Variants in FBXO11 observed in about 807,000 individuals in gnomAD.
FBXO11 encodes the protein F-box protein 11.
FBXO11 carries 13 observed loss-of-function variants against 117.0 expected under a neutral mutation model. The ratio of observed to expected loss-of-function variants is 0.11; its 90% CI spans 0.07 to 0.18. FBXO11 has a LOEUF of 0.18. Among genes scored for constraint, FBXO11 ranks in the 10% least tolerant of loss-of-function variants. The probability of loss-of-function intolerance (pLI) is 1.00; values close to 1 mark genes in which losing one functional copy is unlikely to be tolerated. For synonymous variants in FBXO11, 490 were observed against 380.5 expected (o/e 1.29, Z -3.35); for missense variants, 767 against 1,164.4 (o/e 0.66, Z 4.97).
chr2:47,823,823 G>A (rs1671550931), intron 11 of FBXO11, among the ~76,000 whole-genome samples: 1 of 151,760 alleles, frequency 6.6e-6, no homozygotes, highest in Non-Finnish European at 1.5e-5. Context: ...TAATGATCAT[G>A]GAAAGAAAAA....
intron 16 of FBXO11, among the ~76,000 whole-genome samples, chr2:47,815,806 C>T (rs1326467152): frequency 6.6e-6 from 1 of 152,212 alleles, no homozygotes; most frequent in African/African-American, 2.4e-5. Flanking sequence ...TGCCCCAGCT[C>T]TTGAGCATCA....
chr2:47,818,631 C>A (rs1316317584), intron 16 of FBXO11, 148 bp downstream of exon 16: 7 of 635,834 alleles, frequency 1.1e-5, no homozygotes, highest in Non-Finnish European at 1.9e-5. Flanking sequence ...TACATTCTGA[C>A]AATTTAAGTC....
chr2:47,877,649 A>G (rs934843680), intron 1 of FBXO11, among the ~76,000 whole-genome samples: 1 of 151,314 alleles, frequency 6.6e-6, no homozygotes, highest in Non-Finnish European at 1.5e-5. Flanking sequence ...TCCATCTCTC[A>G]CTCAAACCTC....
chr2:47,819,944 G>A (rs911388246), intron 14 of FBXO11, among the ~76,000 whole-genome samples: 3 of 152,070 alleles, frequency 2.0e-5, no homozygotes, highest in Non-Finnish European at 4.4e-5. Context: ...TCAAAATTTT[G>A]AAAGTTATTA....
chr2:47,899,687 G>C (rs528756492), intron 1 of FBXO11, among the ~76,000 whole-genome samples: 1 of 152,090 alleles, frequency 6.6e-6, no homozygotes, highest in Non-Finnish European at 1.5e-5. Flanking sequence ...TCACAGGGTA[G>C]CAACTACAAT....
chr2:47,862,966 A>G (rs939314921), intron 1 of FBXO11, among the ~76,000 whole-genome samples: 1 of 151,866 alleles, frequency 6.6e-6, no homozygotes, highest in Non-Finnish European at 1.5e-5. Context: ...AAGGCAGGAG[A>G]ATCGCTTGAA....
intron 1 of FBXO11, among the ~76,000 whole-genome samples, chr2:47,874,150 C>A (rs954797369): frequency 6.6e-5 from 10 of 152,186 alleles, no homozygotes; most frequent in African/African-American, 2.4e-4. Context: ...GGAGGCGGAG[C>A]TTGCTGTGAG....
chr2:47,870,439 T>A (rs1675539400), intron 1 of FBXO11, among the ~76,000 whole-genome samples: 1 of 152,172 alleles, frequency 6.6e-6, no homozygotes, highest in Non-Finnish European at 1.5e-5. Flanking sequence ...AAGGGAGGTC[T>A]TTAGGGTGGG....
chr2:47,904,753 T>C (rs1034143421), intron 1 of FBXO11, among the ~76,000 whole-genome samples: 5 of 151,980 alleles, frequency 3.3e-5, no homozygotes, highest in Admixed American at 1.3e-4. Flanking sequence ...GAAGGGTAAC[T>C]GCACTGCACA....
Position 47,871,230 on chromosome 2 carries a change from G to A in FBXO11, c.233-31461C>T, listed in dbSNP as rs527324052. Among the ~76,000 whole-genome samples the A allele has an allele frequency of 9.9e-5, 15 of 152,250 alleles. No individual in the cohort carries two copies. In the South Asian group the frequency reaches 2.7e-3, roughly 27 times the overall value. ...GCCACGTGCCCTATCACCAGAAGAC[G>A]CTTTATGAATCCACTCAAGCAGCCC... On this transcript the variant is annotated intron_variant, in intron 1 of 22. Transcript: ENST00000403359.
At chr2:47,879,303 G>A (rs938193999) in intron 1 of FBXO11, among the ~76,000 whole-genome samples, 1 of 152,174 alleles carries the variant, frequency 6.6e-6, no homozygotes, top group Non-Finnish European at 1.5e-5. Context: ...TCAACCTGCT[G>A]GGTAAATACA....
At chr2:47,859,649 AC>A (rs1200288427) in intron 1 of FBXO11, among the ~76,000 whole-genome samples, 1 of 152,214 alleles carries the variant, frequency 6.6e-6, no homozygotes, top group African/African-American at 2.4e-5. Context: ...AAGTGTTTTC[AC>A]AGTTACGCTT....
intron 11 of FBXO11, among the ~76,000 whole-genome samples, chr2:47,830,008 C>T (rs747905619): frequency 1.7e-4 from 26 of 152,176 alleles, no homozygotes; most frequent in African/African-American, 4.3e-4. Flanking sequence ...AACAAAACCA[C>T]GGAGACATGG....
At position 47,838,850 on chromosome 2, in the gene FBXO11, T is replaced by G. The variant is rs556822601; in HGVS notation, c.587+9A>C. On this transcript the variant is annotated intron_variant, in intron 4 of 22. Transcript: ENST00000403359. Reference sequence around the variant, plus strand: ...ATCTCAAGTTAATAAGGAATAGGTTTTTACTTACCACAAAATTGGATCATT... The same window carrying G: ...ATCTCAAGTTAATAAGGAATAGGTTGTTACTTACCACAAAATTGGATCATT... The G allele has an allele frequency of 4.3e-6, 7 of 1,611,870 alleles. No homozygotes were observed. In the East Asian group the frequency reaches 1.6e-4, roughly 36 times the overall value.
In FBXO11 at chr2:47,828,677, G is replaced by C. The variant is rs1349531172; in HGVS notation, c.1398+3672C>G. On this transcript the variant is annotated intron_variant, in intron 11 of 22. Transcript: ENST00000403359. ...ACAAGAAACTCTCCAGATTAAAAAA[G>C]AGAGAAAAATGCTATCTTCATAGAA... Among the ~76,000 whole-genome samples, 3 of 150,470 alleles carry C rather than the reference G, an allele frequency of 2.0e-5. No individual in the cohort carries two copies. In the East Asian group the frequency reaches 5.8e-4, roughly 29 times the overall value.
intron 1 of FBXO11, among the ~76,000 whole-genome samples, chr2:47,849,370 C>A (rs1399568190): frequency 6.6e-6 from 1 of 152,116 alleles, no homozygotes; most frequent in East Asian, 1.9e-4. Flanking sequence ...ATAATACTTC[C>A]ATTAATGTAT....
At position 47,847,981 on chromosome 2, in the gene FBXO11, G is replaced by A. The variant is rs559456640; in HGVS notation, c.233-8212C>T. Among the ~76,000 whole-genome samples, 39 of 151,734 alleles carry A rather than the reference G, an allele frequency of 2.6e-4. No homozygotes were observed. The South Asian group carries it at 5.8e-3, about 23-fold the overall frequency. The stretch of plus-strand genomic sequence containing the variant: ...CTACTAAAAATACAAAAAATTAGCC[G>A]GGCGTGGTGACGGGTGCTTGTAGTC... On this transcript the variant is annotated intron_variant, in intron 1 of 22. Transcript: ENST00000403359.
chr2:47,843,674 T>G (rs545428516), intron 1 of FBXO11, among the ~76,000 whole-genome samples: 1 of 152,340 alleles, frequency 6.6e-6, no homozygotes, highest in East Asian at 1.9e-4. Flanking sequence ...AGTCTAGTAT[T>G]TTTTAAATCC....
At chr2:47,905,347 G>T (rs1484903078) in intron 1 of FBXO11, 142 bp downstream of exon 1, 7 of 882,478 alleles carry the variant, frequency 7.9e-6, no homozygotes, top group African/African-American at 7.1e-5. Context: ...CTGCGGCACC[G>T]GGGGACCCGC....
Sources: allele counts gnomAD v4.1 joint callset (sites outside exome capture counted in the v4.1 genomes callset), GRCh38; gene constraint gnomAD v4.1.1; transcripts MANE v1.5; gene names NCBI Gene and HGNC (gene_info 2026-07-23, HGNC 2026-07-21).